The following SBF1 variants were observed in gnomAD, a reference collection of about 807,000 sequenced individuals.
The protein encoded by SBF1 is SET binding factor 1.
A neutral mutation model predicts 215.8 loss-of-function variants in SBF1; 65 were observed. That is an observed-to-expected ratio of 0.30 (90% CI 0.25 to 0.37). The LOEUF (loss-of-function observed/expected upper bound fraction) is 0.37. SBF1 is among the 10% of genes least tolerant of loss of function. The probability of loss-of-function intolerance (pLI) is 1.00; values close to 1 mark genes in which losing one functional copy is unlikely to be tolerated. For synonymous variants in SBF1, 1,410 were observed against 1,122.8 expected (o/e 1.26, Z -5.11); for missense variants, 2,634 against 2,667.8 (o/e 0.99, Z 0.28).
chr22:50,455,964 C>T, intron 31 of SBF1: 1 of 564,794 alleles, frequency 1.8e-6, no homozygotes, highest in Non-Finnish European at 3.1e-6. Flanking sequence ...GTCATCAGCC[C>T]ACGTGGGCCC....
At chr22:50,457,879 G>A (rs2148578305) in intron 28 of SBF1, among the ~76,000 whole-genome samples, 1 of 152,372 alleles carries the variant, frequency 6.6e-6, no homozygotes, top group East Asian at 1.9e-4. Flanking sequence ...TACAGGCCAA[G>A]CACAATGCCA....
intron 5 of SBF1, 120 bp from the exon 6 acceptor site, chr22:50,466,830 G>A (rs2067782832): frequency 1.5e-6 from 1 of 676,200 alleles, no homozygotes; most frequent in African/African-American, 1.8e-5. Context: ...GGGACTGGCT[G>A]GGATGGGCAA....
intron 28 of SBF1, among the ~76,000 whole-genome samples, chr22:50,457,551 G>A (rs747754338): frequency 6.6e-6 from 1 of 152,248 alleles, no homozygotes. Context: ...AGGTGCCCAA[G>A]AGGTGTGGCC....
intron 38 of SBF1, among the ~76,000 whole-genome samples, 154 bp from the exon 39 acceptor site, chr22:50,447,763 G>A (rs1364173845): frequency 6.6e-6 from 1 of 152,192 alleles, no homozygotes; most frequent in East Asian, 1.9e-4. Context: ...CTGGCCAGGG[G>A]GCCACAAAGA....
chr22:50,467,052 C>G, intron 5 of SBF1: 1 of 581,382 alleles, frequency 1.7e-6, no homozygotes, highest in South Asian at 2.0e-5. Flanking sequence ...CCAACACACC[C>G]AGGCACAGGG....
rs1426360503 is a variant in SBF1 at position 50,466,708 on chromosome 22, C to A, written c.552G>T (p.Arg184Ser). The A allele has an allele frequency of 1.3e-6, 2 of 1,526,464 alleles. No individual in the cohort carries two copies. Among genetic ancestry groups the A allele is most frequent in the African/African-American group, 1.4e-5 (1 of 72,164 alleles). The allele number at this position is 1,526,464 out of a possible 1,614,324, so 94.6% of individuals were successfully genotyped here. A position where few individuals can be genotyped will look rare whatever the true frequency, so the allele number is the denominator to read the frequency against. Residue 184 changes from arginine (R) to serine (S), a missense_variant and splice_region_variant, in exon 6 of 41, where the codon AGG becomes AGT. Physicochemically the swap from Arg to Ser is moderately radical, Grantham distance 110. Transcript: ENST00000380817. ...GGTCACCAGCCCCCAAAGAGATCGT[C>A]CTCTGCAGCAAAAAAAGGATCGGGG... ...CTVPLAGGSQRTISLGAGDRQ... is the reference protein window; with the variant it reads ...CTVPLAGGSQSTISLGAGDRQ...
In SBF1 at chr22:50,464,662, C is replaced by G. The variant is rs759909473; in HGVS notation, c.1508G>C (p.Arg503Pro). The G allele has an allele frequency of 3.7e-5, 59 of 1,608,100 alleles. 2 individuals are homozygous for G. The East Asian group carries it at 4.2e-4, about 12-fold the overall frequency. The change falls in exon 14 of 41, where the codon CGA becomes CCA. Residue 503 changes from arginine (R) to proline (P), a missense_variant. Arg to Pro is a moderately radical substitution (Grantham distance 103, BLOSUM62 -2). Transcript: ENST00000380817. ...GESSHLRRVP[R>P]PFPRLDEGTV... ...GCCCTCATCCAGCCGGGGGAAGGGT[C>G]GGGGCACCCGTCGCAGGTGGCTGCT...
At position 50,464,650 on chromosome 22, in the gene SBF1, C is replaced by G; in HGVS notation, c.1520G>C (p.Arg507Pro). 1 of 1,609,160 alleles carries G rather than the reference C, an allele frequency of 6.2e-7. No homozygotes were observed. Among genetic ancestry groups the G allele is most frequent in the South Asian group, 1.1e-5 (1 of 90,954 alleles). Reference sequence around the variant, plus strand: ...CCACTGCACGGTGCCCTCATCCAGCCGGGGGAAGGGTCGGGGCACCCGTCG... The same window carrying G: ...CCACTGCACGGTGCCCTCATCCAGCGGGGGGAAGGGTCGGGGCACCCGTCG... The part of the protein sequence containing the change: ...HLRRVPRPFP[R>P]LDEGTVQWIV... The change falls in exon 14 of 41, where the codon CGG (arginine) becomes CCG (proline). Residue 507 changes from arginine to proline, a missense_variant. Physicochemically the swap from Arg to Pro is moderately radical, Grantham distance 103. Transcript: ENST00000380817.
rs897932264 is a variant in SBF1, at chr22:50,467,916, T to G, written c.149A>C (p.Gln50Pro). The change falls in exon 3 of 41, where the codon CAG (glutamine) becomes CCG (proline). Residue 50 changes from glutamine to proline, a missense_variant. Gln to Pro is a moderately conservative substitution (Grantham distance 76, BLOSUM62 -1). Coordinates refer to ENST00000380817, the MANE Select transcript of SBF1 (RefSeq NM_002972.4). ...GGGACACAGCTGCCACCCGCTGGGC[T>G]GGCAAAACTGCAGGGAAGGCTCAGC... ...PFPQGIELFC[Q>P]PSGWQLCPER... is the part of the protein sequence containing the mutation. 2.1e-5 allele frequency: 34 copies of G among 1,613,662 alleles called. No individual in the cohort carries two copies. The highest frequency in any genetic ancestry group is 2.8e-5 in the Non-Finnish European group (33 of 1,179,906).
In SBF1 at chr22:50,448,304, G is replaced by A. The variant is rs2148552279; in HGVS notation, c.5292C>T (p.Gly1764=). The A allele has an allele frequency of 6.2e-7, 1 of 1,613,458 alleles. No homozygotes were observed. The highest frequency in any genetic ancestry group is 2.2e-5 in the East Asian group (1 of 44,888). ...SDQSSGSTTS[G]SRQAARRSTS... is the part of the protein sequence containing the mutation. Reference sequence around the variant, plus strand: ...TGCTGCGGCGGGCAGCCTGACGGGAGCCGGATGTGGTTGAGCCACTACTCT... The same window carrying A: ...TGCTGCGGCGGGCAGCCTGACGGGAACCGGATGTGGTTGAGCCACTACTCT... Residue 1764 remains glycine (G), a synonymous_variant, in exon 38 of 41, where the codon GGC becomes GGT. Transcript: ENST00000380817.
rs1357164831 is a variant in SBF1, at chr22:50,460,691, C to T, written c.2989G>A (p.Glu997Lys). Reference protein sequence around the residue: ...TFQLLKMAFDEEVGSDSAELF... With the variant: ...TFQLLKMAFDKEVGSDSAELF... ...TCGGCGCTGTCAGACCCCACCTCCT[C>T]GTCAAAGGCCATTTTCAGCAGCTGT... Residue 997 changes from glutamate (E) to lysine (K), a missense_variant, in exon 24 of 41, where the codon GAG becomes AAG. Physicochemically the swap from Glu to Lys is moderately conservative, Grantham distance 56. Coordinates refer to ENST00000380817, the MANE Select transcript of SBF1 (RefSeq NM_002972.4). 2.5e-6 allele frequency: 4 copies of T among 1,613,430 alleles called. No homozygotes were observed. The highest frequency in any genetic ancestry group is 1.7e-5 in the Admixed American group (1 of 60,020).
Position 50,454,759 on chromosome 22 carries a change from G to A in SBF1, c.4813-17C>T, listed in dbSNP as rs779677875. On this transcript the variant is annotated splice_polypyrimidine_tract_variant and intron_variant, in intron 35 of 40. Transcript: ENST00000380817. ...CCGCAGGACCTGAGGGTGGGCCTGT[G>A]GTTGAGGACCTGGGTCGGGCAGGAG... 1.3e-5 allele frequency: 20 copies of A among 1,591,048 alleles called. No individual in the cohort carries two copies. The East Asian group carries it at 4.2e-4, about 34-fold the overall frequency.
intron 5 of SBF1, chr22:50,467,099 A>G (rs1303629171): frequency 1.7e-6 from 1 of 590,862 alleles, no homozygotes; most frequent in Non-Finnish European, 3.0e-6. Context: ...CAACATCCAG[A>G]GACAGGCACA....
chr22:50,459,320 C>T lies in SBF1; in HGVS notation c.3761G>A (p.Arg1254His), dbSNP rs557741633. 40 of 1,612,688 alleles carry T rather than the reference C, an allele frequency of 2.5e-5. No homozygotes were observed. The highest frequency in any genetic ancestry group is 1.1e-4 in the African/African-American group (8 of 75,048). ...YLQAVVSSMP[R>H]YADASGRNTL... is the part of the protein sequence containing the mutation. ...GTTGCGTCCCGACGCGTCGGCGTAG[C>T]GGGGCATGGAGCTGACCACAGCCTG... is the stretch of plus-strand genomic sequence containing the variant. The change falls in exon 28 of 41, where the codon CGC becomes CAC. Residue 1254 changes from arginine (R) to histidine (H), a missense_variant. Transcript: ENST00000380817.
chr22:50,465,007 G>C lies in SBF1; in HGVS notation c.1326C>G (p.Phe442Leu). The change falls in exon 12 of 41, where the codon TTC (phenylalanine) becomes TTG (leucine). Residue 442 changes from phenylalanine (F) to leucine (L), a missense_variant. Transcript: ENST00000380817. ...GGGCAGGGTGGAGGTGCACCTCATC[G>C]AACAGGTCCGTAGGGCGGTATGGGA... ...RGVPYRPTDLFDELVAHEVAR... is the reference protein window; with the variant it reads ...RGVPYRPTDLLDELVAHEVAR... 1 of 1,613,910 alleles carries C rather than the reference G, an allele frequency of 6.2e-7. No homozygotes were observed. Among genetic ancestry groups the C allele is most frequent in the Non-Finnish European group, 8.5e-7 (1 of 1,179,932 alleles).
At chr22:50,468,772 G>C (rs1260015118) in intron 1 of SBF1, among the ~76,000 whole-genome samples, 1 of 152,036 alleles carries the variant, frequency 6.6e-6, no homozygotes, top group Non-Finnish European at 1.5e-5. Flanking sequence ...CTTCGGGACT[G>C]TTCCACAGGC....
rs369760794 is a variant in SBF1, at chr22:50,456,381, G to A, written c.4101C>T (p.Asp1367=). The A allele has an allele frequency of 2.4e-5, 38 of 1,612,694 alleles. No homozygotes were observed. Among genetic ancestry groups the A allele is most frequent in the South Asian group, 1.1e-4 (10 of 91,050 alleles). The change falls in exon 31 of 41, where the codon GAC becomes GAT. Residue 1367 remains aspartate (D), a synonymous_variant. Coordinates refer to ENST00000380817, the MANE Select transcript of SBF1 (RefSeq NM_002972.4). ...DKAQLKGVRS[D]PLQQWELVPI... is the part of the protein sequence containing the mutation. ...GCACCAGCTCCCACTGCTGCAGGGG[G>A]TCTGACCGCACACCCTGAAAAGAAT...
intron 36 of SBF1, among the ~76,000 whole-genome samples, chr22:50,449,697 A>G (rs1275538869): frequency 1.3e-5 from 2 of 152,010 alleles, no homozygotes; most frequent in African/African-American, 4.8e-5. Flanking sequence ...AACAAAGAGA[A>G]AAGTCCCAAA....
chr22:50,453,437 G>A (rs1353851145), intron 36 of SBF1, among the ~76,000 whole-genome samples: 1 of 152,290 alleles, frequency 6.6e-6, no homozygotes, highest in East Asian at 1.9e-4. Flanking sequence ...CAACTTCCCT[G>A]TAAGGCAGGA....
Sources: allele counts gnomAD v4.1 joint callset (sites outside exome capture counted in the v4.1 genomes callset), GRCh38; gene constraint gnomAD v4.1.1; transcripts MANE v1.5; gene names NCBI Gene and HGNC (gene_info 2026-07-23, HGNC 2026-07-21).